The following DNAH5 variants were observed in gnomAD, a reference collection of about 807,000 sequenced individuals.
DNAH5 encodes dynein axonemal heavy chain 5.
In DNAH5, 372 loss-of-function variants were observed where a neutral mutation model predicts 518.2. The observed-to-expected ratio is 0.72, with a 90% CI of 0.66 to 0.78. The LOEUF (loss-of-function observed/expected upper bound fraction) is 0.78. Among genes scored for constraint, DNAH5 ranks in the 30% least tolerant of loss-of-function variants. DNAH5 has a pLI of 0.00. For synonymous variants in DNAH5, 2,039 were observed against 2,025.9 expected (o/e 1.01, Z -0.17); for missense variants, 5,523 against 5,687.0 (o/e 0.97, Z 0.93).
chr5:13,876,237 T>C (rs1770873849), intron 22 of DNAH5, among the ~76,000 whole-genome samples: 4 of 152,232 alleles, frequency 2.6e-5, no homozygotes, highest in Admixed American at 2.6e-4. Context: ...CAGTTTCATC[T>C]AATTTCTATG....
At chr5:13,920,736 A>AC in intron 5 of DNAH5, 119 bp from the exon 6 acceptor site, 1 of 1,035,632 alleles carries the variant, frequency 9.7e-7, no homozygotes, top group Non-Finnish European at 1.5e-6. Context: ...ACCAGGTAGC[A>AC]CATACCTCCT....
intron 1 of DNAH5, among the ~76,000 whole-genome samples, chr5:13,967,467 T>C (rs1781600936): frequency 6.6e-6 from 1 of 152,236 alleles, no homozygotes; most frequent in African/African-American, 2.4e-5. Context: ...ATTTGCTTTG[T>C]AGAAGATCAG....
At chr5:13,981,502 C>T (rs1782670898) in intron 1 of DNAH5, among the ~76,000 whole-genome samples, 1 of 152,194 alleles carries the variant, frequency 6.6e-6, no homozygotes, top group Admixed American at 6.5e-5. Flanking sequence ...TCTCCCCATC[C>T]CTTGCCTGTG....
chr5:13,899,944 C>A (rs905473034), intron 15 of DNAH5: 39 of 478,262 alleles, frequency 8.2e-5, no homozygotes, highest in Non-Finnish European at 1.1e-4. Context: ...AAAAAGAGAT[C>A]GTGCCTTTTT....
At chr5:14,005,601 C>T (rs1397901433) in intron 1 of DNAH5, among the ~76,000 whole-genome samples, 1 of 152,200 alleles carries the variant, frequency 6.6e-6, no homozygotes, top group Non-Finnish European at 1.5e-5. Context: ...AATGCAGCAC[C>T]TGAATGTGTT....
At chr5:13,876,176 T>C (rs1249072428) in intron 22 of DNAH5, among the ~76,000 whole-genome samples, 2 of 152,228 alleles carry the variant, frequency 1.3e-5, no homozygotes, top group Non-Finnish European at 2.9e-5. Flanking sequence ...TGAATGTACA[T>C]TCATGTCCAG....
intron 27 of DNAH5, 49 bp from the exon 28 acceptor site, chr5:13,864,686 A>G: frequency 6.2e-7 from 1 of 1,605,950 alleles, no homozygotes; most frequent in Non-Finnish European, 8.5e-7. Context: ...GATGGTAGAC[A>G]TCACTGGACC....
intron 1 of DNAH5, among the ~76,000 whole-genome samples, chr5:14,007,116 C>T (rs768724993): frequency 6.6e-6 from 1 of 152,238 alleles, no homozygotes; most frequent in African/African-American, 2.4e-5. Context: ...GACATATCCT[C>T]AGCCCCAACA....
At chr5:13,841,671 T>A in intron 33 of DNAH5, 21 bp downstream of exon 33, 1 of 1,581,016 alleles carries the variant, frequency 6.3e-7, no homozygotes, top group Non-Finnish European at 8.7e-7. Context: ...AAAACATACT[T>A]TCAAATTTCA....
intron 77 of DNAH5, among the ~76,000 whole-genome samples, 161 bp from the exon 78 acceptor site, chr5:13,701,032 T>C (rs984587146): frequency 6.6e-6 from 1 of 152,108 alleles, no homozygotes; most frequent in Non-Finnish European, 1.5e-5. Flanking sequence ...AACCACATCC[T>C]AATTGAGCTA....
chr5:13,733,373 A>G (rs1746881397), intron 68 of DNAH5, among the ~76,000 whole-genome samples: 2 of 152,222 alleles, frequency 1.3e-5, no homozygotes, highest in African/African-American at 4.8e-5. Context: ...TTCTATGTGG[A>G]AATACATTTC....
intron 30 of DNAH5, among the ~76,000 whole-genome samples, chr5:13,856,328 C>G (rs1464020109): frequency 1.3e-5 from 2 of 152,128 alleles, no homozygotes; most frequent in African/African-American, 2.4e-5. Flanking sequence ...CGCCACTGAT[C>G]CCACAGAAAT....
chr5:13,867,555 G>C (rs781478117), intron 25 of DNAH5, among the ~76,000 whole-genome samples: 9 of 151,878 alleles, frequency 5.9e-5, no homozygotes, highest in East Asian at 1.9e-4. Context: ...ACCCAGTCTC[G>C]AGCAGTTCTT....
Position 13,786,218 on chromosome 5 carries a change from G to A in DNAH5, c.8781C>T (p.Asp2927=), listed in dbSNP as rs2126868696. Residue 2927 remains aspartate, a synonymous_variant, in exon 52 of 79, where the codon GAC becomes GAT. Transcript: ENST00000265104. ...CCATGGCATCTGCAAAGAACACCAT[G>A]TCCATGCCGGCGCCACGGATGCTCT... ...YNESIRGAGM[D]MVFFADAMVH... 5.0e-6 allele frequency: 8 copies of A among 1,614,060 alleles called. No individual in the cohort carries two copies. The highest frequency in any genetic ancestry group is 5.9e-6 in the Non-Finnish European group (7 of 1,180,000).
intron 1 of DNAH5, among the ~76,000 whole-genome samples, chr5:13,950,440 C>G (rs1281248182): frequency 6.6e-6 from 1 of 152,134 alleles, no homozygotes; most frequent in Non-Finnish European, 1.5e-5. Flanking sequence ...CCACGCCTGG[C>G]TAATTTTGTA....
chr5:13,762,919 A>G lies in DNAH5; in HGVS notation c.10102-18T>C. On this transcript the variant is annotated intron_variant, in intron 59 of 78. Transcript: ENST00000265104. ...GGGAATTGCTATGGAAGAAAAGAGT[A>G]AAATAAAGTCGAAACACTTCTTTCC... is the stretch of plus-strand genomic sequence containing the variant. The G allele has an allele frequency of 1.9e-6, 3 of 1,608,046 alleles. No homozygotes were observed. Among genetic ancestry groups the G allele is most frequent in the South Asian group, 1.1e-5 (1 of 90,944 alleles).
intron 1 of DNAH5, among the ~76,000 whole-genome samples, chr5:13,950,703 T>C (rs1780323553): frequency 6.6e-6 from 1 of 152,244 alleles, no homozygotes; most frequent in Non-Finnish European, 1.5e-5. Context: ...AAGATTATTA[T>C]AGTAAGTCTT....
chr5:13,727,510 G>C lies in DNAH5; in HGVS notation c.12030C>G (p.Ala4010=). Residue 4010 remains alanine (A), a synonymous_variant, in exon 70 of 79, where the codon GCC becomes GCG. Transcript: ENST00000265104. The part of the protein sequence containing the change: ...IRSWCPDRTI[A]QARKYIVDSM... ...CTCTTTAATATGGACTTTTTACCTG[G>C]GCGATGGTTCTGTCAGGACACCAGG... 1 of 1,612,330 alleles carries C rather than the reference G, an allele frequency of 6.2e-7. No homozygotes were observed. The highest frequency in any genetic ancestry group is 1.1e-5 in the South Asian group (1 of 90,856).
intron 40 of DNAH5, 80 bp from the exon 41 acceptor site, chr5:13,820,579 A>G (rs373670677): frequency 5.5e-5 from 84 of 1,532,402 alleles, no homozygotes; most frequent in East Asian, 4.3e-4. Flanking sequence ...AATCCCAACA[A>G]TTTGGGAGGC....
Sources: gnomAD v4.1 joint callset for allele counts (sites outside exome capture counted in the v4.1 genomes callset) on GRCh38, gnomAD v4.1.1 for gene constraint, MANE v1.5 for transcripts, NCBI Gene and HGNC (gene_info 2026-07-23, HGNC 2026-07-21) for gene names.